LY6H: variants seen among roughly 807,000 people sequenced by gnomAD.
LY6H encodes the protein lymphocyte antigen 6H.
In LY6H, 8 loss-of-function variants were observed where a neutral mutation model predicts 14.6. That is an observed-to-expected ratio of 0.55 (90% CI 0.32 to 0.99). The LOEUF is 0.99. LY6H is among the 50% of genes least tolerant of loss of function. The pLI, the probability that LY6H is intolerant of heterozygous loss-of-function variation, is 0.04. For missense variants in LY6H, 196 were observed against 219.6 expected, an observed-to-expected ratio of 0.89 and a Z score of 0.68; for synonymous variants, 115 against 97.2, an observed-to-expected ratio of 1.18 and a Z score of -1.08.
At chr8:143,159,545 C>G in intron 2 of LY6H, 37 bp downstream of exon 2, 1 of 1,479,930 alleles carries the variant, frequency 6.8e-7, no homozygotes, top group South Asian at 1.3e-5. Context: ...TCGGGCTCTC[C>G]CAGGCACCTG....
chr8:143,159,537 G>C, intron 2 of LY6H, 45 bp downstream of exon 2: 3 of 1,456,912 alleles, frequency 2.1e-6, no homozygotes, highest in Admixed American at 2.6e-5. Context: ...GCGGCGCCTC[G>C]GGCTCTCCCA....
Position 143,158,941 on chromosome 8 carries a change from G to T in LY6H, c.131-19C>A. On this transcript the variant is annotated intron_variant, in intron 2 of 3. Coordinates refer to ENST00000342752, the MANE Select transcript of LY6H (RefSeq NM_001135655.2). ...CCATGAGCTGGGCAGGGCATGGGGA[G>T]GAGGGTGACCAGAGGCACTGGGGTC... The T allele has an allele frequency of 6.2e-7, 1 of 1,612,538 alleles. No individual in the cohort carries two copies. The highest frequency in any genetic ancestry group is 8.5e-7 in the Non-Finnish European group (1 of 1,179,514).
chr8:143,158,521 C>T, intron 3 of LY6H, 36 bp from the exon 4 acceptor site: 1 of 1,530,884 alleles, frequency 6.5e-7, no homozygotes. Context: ...ACGGGGGCTC[C>T]TCCTGGGCCC....
Position 143,158,437 on chromosome 8 carries a change from A to G in LY6H, c.299T>C (p.Phe100Ser), listed in dbSNP as rs1230321533. ...VNKMCASSCD[F>S]VKRHFFSDYL... The stretch of plus-strand genomic sequence containing the variant: ...GTCTGAGAAAAAGTGTCGCTTAACG[A>G]AGTCACAGGAGGAGGCACACATCTT... Residue 100 changes from phenylalanine to serine, a missense_variant, in exon 4 of 4, where the codon TTC (phenylalanine) becomes TCC (serine). Phe to Ser is a radical substitution (Grantham distance 155). Transcript: ENST00000342752. 30 of 1,614,004 alleles carry G rather than the reference A, an allele frequency of 1.9e-5. No individual in the cohort carries two copies. Among genetic ancestry groups the G allele is most frequent in the Non-Finnish European group, 2.5e-5 (30 of 1,179,980 alleles).
rs757444717 is a variant in LY6H, at chr8:143,158,935, T to G, written c.131-13A>C. 1.9e-6 allele frequency: 3 copies of G among 1,613,116 alleles called. No homozygotes were observed. The highest frequency in any genetic ancestry group is 4.5e-5 in the East Asian group (2 of 44,866). ...CACAGGCCATGAGCTGGGCAGGGCA[T>G]GGGGAGGAGGGTGACCAGAGGCACT... On this transcript the variant is annotated splice_polypyrimidine_tract_variant and intron_variant, in intron 2 of 3. Transcript: ENST00000342752.
In LY6H at chr8:143,158,918, A is replaced by T. The variant is rs1192532724; in HGVS notation, c.135T>A (p.His45Gln). Reference sequence around the variant, plus strand: ...GGGTGCAGTCCTGGCACCACAGGCCATGAGCTGGGCAGGGCATGGGGAGGA... The same window carrying T: ...GGGTGCAGTCCTGGCACCACAGGCCTTGAGCTGGGCAGGGCATGGGGAGGA... ...LAVLLCSAPA[H>Q]GLWCQDCTLT... The change falls in exon 3 of 4, where the codon CAT (histidine) becomes CAA (glutamine). Residue 45 changes from histidine to glutamine, a missense_variant. By Grantham distance (24) the His-to-Gln change is conservative. Transcript: ENST00000342752. 1 of 1,613,744 alleles carries T rather than the reference A, an allele frequency of 6.2e-7. No homozygotes were observed. Among genetic ancestry groups the T allele is most frequent in the Non-Finnish European group, 8.5e-7 (1 of 1,179,964 alleles).
Position 143,159,692 on chromosome 8 carries a change from G to A in LY6H, c.20C>T (p.Thr7Ile). ...GGCGGCGCGGGGGCTTGGGGCGCGG[G>A]TCCTCTGGGGCGCAAGCCTGGAGGG... MLAPQR[T>I]RAPSPRAAPR... The change falls in exon 2 of 4, where the codon ACC (threonine) becomes ATC (isoleucine). Residue 7 changes from threonine to isoleucine, a missense_variant. Coordinates refer to ENST00000342752, the MANE Select transcript of LY6H (RefSeq NM_001135655.2). 1 of 1,383,152 alleles carries A rather than the reference G, an allele frequency of 7.2e-7. No individual in the cohort carries two copies. The highest frequency in any genetic ancestry group is 1.6e-5 in the South Asian group (1 of 60,846). 85.7% of individuals were successfully genotyped at this position (1,383,152 alleles called of 1,614,324 possible).
intron 1 of LY6H, 31 bp downstream of exon 1, chr8:143,160,167 C>A: frequency 7.8e-7 from 1 of 1,278,400 alleles, no homozygotes; most frequent in Non-Finnish European, 9.9e-7. Flanking sequence ...GGGCGTGGAG[C>A]GCGGGCCTCG....
intron 1 of LY6H, 156 bp downstream of exon 1, chr8:143,160,042 G>T: frequency 4.9e-6 from 5 of 1,018,946 alleles, no homozygotes; most frequent in Admixed American, 4.3e-5. Context: ...CCTGCCACTG[G>T]GGGGAGGGGC....
At chr8:143,160,348 G>T, upstream of LY6H, 1 of 515,334 alleles carries the variant, frequency 1.9e-6, no homozygotes, top group Non-Finnish European at 2.8e-6. Context: ...GGGCGGGGCG[G>T]AGCCGGGGCG....
chr8:143,158,731 C>T (rs1341130500), intron 3 of LY6H, 72 bp downstream of exon 3: 26 of 1,524,180 alleles, frequency 1.7e-5, no homozygotes, highest in Middle Eastern at 3.5e-4. Flanking sequence ...AGAGGGGCTC[C>T]GAGGACACCT....
Position 143,159,579 on chromosome 8 carries a change from C to G in LY6H, c.130+3G>C. 1.3e-6 allele frequency: 2 copies of G among 1,500,842 alleles called. No homozygotes were observed. Among genetic ancestry groups the G allele is most frequent in the Non-Finnish European group, 1.8e-6 (2 of 1,132,904 alleles). The allele number at this position is 1,500,842 out of a possible 1,614,324, so 93.0% of individuals were successfully genotyped here. ...TGACCCAGCCCGCGGGCCCCCTACT[C>G]ACCGGGCGCCGAGCACAGCAGGACG... On this transcript the variant is annotated splice_donor_region_variant and intron_variant, in intron 2 of 3. Transcript: ENST00000342752.
At position 143,158,303 on chromosome 8, in the gene LY6H, C is replaced by T. The variant is rs758023401; in HGVS notation, c.433G>A (p.Ala145Thr). 17 of 1,613,348 alleles carry T rather than the reference C, an allele frequency of 1.1e-5. No individual in the cohort carries two copies. The highest frequency in any genetic ancestry group is 5.1e-6 in the Non-Finnish European group (6 of 1,179,808). The change falls in exon 4 of 4, where the codon GCC (alanine) becomes ACC (threonine). Residue 145 changes from alanine (A) to threonine (T), a missense_variant. Transcript: ENST00000342752. ...AGAGHSPWAL[A>T]GGLLLSLGPA... ...CCCAGGCTGAGCAGGAGCCCCCCGG[C>T]CAGGGCCCAGGGGCTGTGCCCTGCC...
chr8:143,158,696 C>A, intron 3 of LY6H, 107 bp downstream of exon 3: 1 of 1,431,516 alleles, frequency 7.0e-7, no homozygotes, highest in Middle Eastern at 1.8e-4. Flanking sequence ...CCTGCCGCCC[C>A]ACGCTCTCAC....
intron 2 of LY6H, chr8:143,159,259 C>T: frequency 3.6e-6 from 2 of 551,768 alleles, no homozygotes; most frequent in Non-Finnish European, 6.5e-6. Flanking sequence ...CCCCAGAGGT[C>T]CGTGGGTTCC....
At position 143,158,190 on chromosome 8, in the gene LY6H, G is replaced by A. The variant is rs1184763876; in HGVS notation, c.*60C>T. 2.3e-5 allele frequency: 29 copies of A among 1,277,372 alleles called. No homozygotes were observed. Among genetic ancestry groups the A allele is most frequent in the East Asian group, 2.4e-5 (1 of 40,958 alleles). The allele number at this position is 1,277,372 out of a possible 1,614,324, so 79.1% of individuals were successfully genotyped here. A position where few individuals can be genotyped will look rare whatever the true frequency, so the allele number is the denominator to read the frequency against. On this transcript the variant is annotated 3_prime_UTR_variant, in exon 4 of 4. Coordinates refer to ENST00000342752, the MANE Select transcript of LY6H (RefSeq NM_001135655.2). Reference sequence around the variant, plus strand: ...CCAGCCCCAGCCACGCCAGGCTGGGGAGAGGGCAGCCACAGGCTCAGGGGA... The same window carrying A: ...CCAGCCCCAGCCACGCCAGGCTGGGAAGAGGGCAGCCACAGGCTCAGGGGA...
At position 143,158,843 on chromosome 8, in the gene LY6H, G is replaced by T; in HGVS notation, c.210C>A (p.Asp70Glu). Reference sequence around the variant, plus strand: ...TGATTCGGACACTGGCACACACCGTGTCGGACGGCTGGCACTGCTTTGGGG... The same window carrying T: ...TGATTCGGACACTGGCACACACCGTTTCGGACGGCTGGCACTGCTTTGGGG... ...HCTPKQCQPS[D>E]TVCASVRITD... The change falls in exon 3 of 4, where the codon GAC (aspartate) becomes GAA (glutamate). Residue 70 changes from aspartate to glutamate, a missense_variant. Transcript: ENST00000342752. 1.2e-6 allele frequency: 2 copies of T among 1,608,328 alleles called. No individual in the cohort carries two copies. The highest frequency in any genetic ancestry group is 1.7e-5 in the Admixed American group (1 of 59,824).
Position 143,158,024 on chromosome 8 carries a change from G to C in LY6H, c.*226C>G, listed in dbSNP as rs1815489525. 1 of 518,148 alleles carries C rather than the reference G, an allele frequency of 1.9e-6. No individual in the cohort carries two copies. Among genetic ancestry groups the C allele is most frequent in the Non-Finnish European group, 3.4e-6 (1 of 296,094 alleles). The allele number at this position is 518,148 out of a possible 1,614,324, so 32.1% of individuals were successfully genotyped here. On this transcript the variant is annotated 3_prime_UTR_variant, in exon 4 of 4. Transcript: ENST00000342752. ...GGGTCCCCCCCCACCCTCATCCCCA[G>C]GCCTCCTGCCCAGATGGCCTGGTTT...
chr8:143,159,475 C>G (rs955928536), intron 2 of LY6H, 107 bp downstream of exon 2: 1 of 1,305,380 alleles, frequency 7.7e-7, no homozygotes. Flanking sequence ...GGGCTCTATG[C>G]GAAGTGCGGT....
Sources: allele counts gnomAD v4.1 joint callset, GRCh38; gene constraint gnomAD v4.1.1; transcripts MANE v1.5; gene names NCBI Gene and HGNC (gene_info 2026-07-23, HGNC 2026-07-21).